The following MALRD1 variants were observed in gnomAD, a reference collection of about 807,000 sequenced individuals.
MALRD1 encodes the protein MAM and LDL-receptor class A domain-containing protein 1.
Under a neutral mutation model 242.1 loss-of-function variants are expected in MALRD1, and 247 were observed. That is an observed-to-expected ratio of 1.02 (90% CI 0.92 to 1.13). MALRD1 has a LOEUF of 1.13. Ranked by LOEUF, MALRD1 falls within the 50% of genes most tolerant of loss-of-function variation. MALRD1 has a pLI of 0.00. For synonymous variants in MALRD1, 995 were observed against 866.6 expected (o/e 1.15, Z -2.60); for missense variants, 2,989 against 2,533.1 (o/e 1.18, Z -3.86).
rs560250351 is a variant in MALRD1, at chr10:19,452,719, G to C, written c.5029+2229G>C. Among the ~76,000 whole-genome samples the C allele has an allele frequency of 4.6e-5, 7 of 152,314 alleles. No individual in the cohort carries two copies. In the East Asian group the frequency reaches 1.4e-3, roughly 29 times the overall value. ...AATATCAGGTCTGTGTAACATGGAT[G>C]ATCAGAAGGAGCTTAGAGTGTAAGT... is the stretch of plus-strand genomic sequence containing the variant. On this transcript the variant is annotated intron_variant, in intron 29 of 39. Transcript: ENST00000454679.
chr10:19,730,420 A>G (rs1188514062), intron 38 of MALRD1, among the ~76,000 whole-genome samples: 2 of 152,194 alleles, frequency 1.3e-5, no homozygotes, highest in Non-Finnish European at 2.9e-5. Context: ...ATTTTAAGAA[A>G]TCAACATTAA....
intron 33 of MALRD1, among the ~76,000 whole-genome samples, chr10:19,588,526 C>T (rs1277761515): frequency 6.6e-6 from 1 of 152,192 alleles, no homozygotes; most frequent in African/African-American, 2.4e-5. Flanking sequence ...GATGCAATTA[C>T]AATTTCCTGA....
chr10:19,500,634 T>C (rs1438438011), intron 31 of MALRD1, among the ~76,000 whole-genome samples: 1 of 152,216 alleles, frequency 6.6e-6, no homozygotes, highest in African/African-American at 2.4e-5. Flanking sequence ...CTCTTTGACA[T>C]AGAAGTCAAC....
At chr10:19,171,359 T>A (rs1437921994) in intron 13 of MALRD1, among the ~76,000 whole-genome samples, 1 of 149,714 alleles carries the variant, frequency 6.7e-6, no homozygotes, top group Non-Finnish European at 1.5e-5. Context: ...CTTTCTCACT[T>A]ACTGATTACC....
At chr10:19,161,626 T>G (rs187503982) in intron 12 of MALRD1, among the ~76,000 whole-genome samples, 55 of 151,172 alleles carry the variant, frequency 3.6e-4, no homozygotes, top group Middle Eastern at 3.4e-3. Flanking sequence ...TGTTGTAATT[T>G]TCACTTACAT....
intron 33 of MALRD1, among the ~76,000 whole-genome samples, chr10:19,570,985 G>A (rs185638792): frequency 2.1e-4 from 32 of 152,096 alleles, no homozygotes; most frequent in Middle Eastern, 6.8e-3. Flanking sequence ...TTTTAATCTT[G>A]CCCTAAATGA....
chr10:19,666,850 CA>C (rs1202326921), intron 36 of MALRD1, among the ~76,000 whole-genome samples: 1 of 151,882 alleles, frequency 6.6e-6, no homozygotes, highest in Non-Finnish European at 1.5e-5. Flanking sequence ...GAAGAATGAA[CA>C]AAAAAAGTTA....
chr10:19,579,501 T>A (rs995999744), intron 33 of MALRD1, among the ~76,000 whole-genome samples: 1 of 152,180 alleles, frequency 6.6e-6, no homozygotes, highest in Admixed American at 6.5e-5. Context: ...TCTGATTATG[T>A]TTTGGTACCA....
chr10:19,706,419 C>T (rs1166141349), intron 38 of MALRD1, among the ~76,000 whole-genome samples: 1 of 152,062 alleles, frequency 6.6e-6, no homozygotes, highest in Admixed American at 6.6e-5. Context: ...CCTCTGCCCC[C>T]GCCCCCCTTG....
Position 19,204,423 on chromosome 10 carries a change from A to T in MALRD1, c.2210+10A>T. 6.6e-7 allele frequency: 1 copy of T among 1,508,990 alleles called. No individual in the cohort carries two copies. Among genetic ancestry groups the T allele is most frequent in the Non-Finnish European group, 9.0e-7 (1 of 1,113,174 alleles). The allele number at this position is 1,508,990 out of a possible 1,614,324, so 93.5% of individuals were successfully genotyped here. A position where few individuals can be genotyped will look rare whatever the true frequency, so the allele number is the denominator to read the frequency against. Reference sequence around the variant, plus strand: ...GCATACTTTCCTTCTGGTAAATATTAAACAAATATTTAAACAATATTAAAC... The same window carrying T: ...GCATACTTTCCTTCTGGTAAATATTTAACAAATATTTAAACAATATTAAAC... On this transcript the variant is annotated intron_variant, in intron 16 of 39. Coordinates refer to ENST00000454679, the MANE Select transcript of MALRD1 (RefSeq NM_001142308.3).
chr10:19,175,367 G>A, intron 14 of MALRD1, 39 bp downstream of exon 14: 3 of 1,218,232 alleles, frequency 2.5e-6, no homozygotes, highest in African/African-American at 3.1e-5. Flanking sequence ...TTTAAACATT[G>A]AATTAAGCTC....
intron 21 of MALRD1, among the ~76,000 whole-genome samples, chr10:19,323,228 C>T (rs565326509): frequency 6.6e-6 from 1 of 151,968 alleles, no homozygotes; most frequent in Non-Finnish European, 1.5e-5. Context: ...AAGCCCAGAC[C>T]GGTTTCCTGT....
At chr10:19,320,984 T>C (rs545169640) in intron 21 of MALRD1, among the ~76,000 whole-genome samples, 17 of 152,246 alleles carry the variant, frequency 1.1e-4, no homozygotes, top group Admixed American at 9.8e-4. Context: ...CTTTGTCAGA[T>C]GGTTATATTG....
intron 36 of MALRD1, 43 bp from the exon 37 acceptor site, chr10:19,692,239 C>A: frequency 1.4e-6 from 2 of 1,404,736 alleles, no homozygotes; most frequent in Non-Finnish European, 1.9e-6. Flanking sequence ...AATATCTTTT[C>A]ACTTTTCTTT....
At chr10:19,124,769 T>G (rs1245696365) in intron 7 of MALRD1, 99 bp downstream of exon 7, 1 of 961,708 alleles carries the variant, frequency 1.0e-6, no homozygotes, top group Non-Finnish European at 1.3e-6. Context: ...GTGAATATAC[T>G]GAGTATATTT....
intron 1 of MALRD1, among the ~76,000 whole-genome samples, chr10:19,053,742 A>G (rs902454395): frequency 6.6e-6 from 1 of 152,118 alleles, no homozygotes; most frequent in African/African-American, 2.4e-5. Context: ...GTTTAACATA[A>G]CAGTATTCCA....
chr10:19,129,228 C>T (rs1837377942), intron 8 of MALRD1, among the ~76,000 whole-genome samples: 1 of 152,096 alleles, frequency 6.6e-6, no homozygotes, highest in African/African-American at 2.4e-5. Context: ...CTCTTACCTA[C>T]CAGCTATAAA....
intron 21 of MALRD1, among the ~76,000 whole-genome samples, chr10:19,316,661 T>TA (rs901588747): frequency 6.6e-6 from 1 of 151,558 alleles, no homozygotes; most frequent in African/African-American, 2.4e-5. Flanking sequence ...GATACCAGGG[T>TA]GATGCTGTGG....
chr10:19,277,358 A>C (rs983657146), intron 19 of MALRD1, among the ~76,000 whole-genome samples: 1 of 152,128 alleles, frequency 6.6e-6, no homozygotes, highest in African/African-American at 2.4e-5. Flanking sequence ...TCAGAATACT[A>C]TTTCCTTGGT....
Sources: allele counts gnomAD v4.1 joint callset (sites outside exome capture counted in the v4.1 genomes callset), GRCh38; gene constraint gnomAD v4.1.1; transcripts MANE v1.5; gene names NCBI Gene and HGNC (gene_info 2026-07-23, HGNC 2026-07-21).